KCNJ2: variants seen among roughly 807,000 people sequenced by gnomAD.
KCNJ2 encodes the protein potassium inwardly rectifying channel subfamily J member 2, also known as inward rectifier potassium channel 2.
KCNJ2 carries 12 observed loss-of-function variants against 28.4 expected under a neutral mutation model. That is an observed-to-expected ratio of 0.42 (90% CI 0.27 to 0.68). KCNJ2 has a LOEUF of 0.68. KCNJ2 is among the 30% of genes least tolerant of loss of function. The pLI, the probability that KCNJ2 is intolerant of heterozygous loss-of-function variation, is 0.23. For missense variants in KCNJ2, 320 were observed against 551.3 expected, an observed-to-expected ratio of 0.58 and a Z score of 4.20; for synonymous variants, 200 against 203.2, an observed-to-expected ratio of 0.98 and a Z score of 0.13.
Position 70,175,014 on chromosome 17 carries a change from A to G in KCNJ2, c.-26A>G, listed in dbSNP as rs1336086708. ...AAACTCAGACTGTTTTCCAAAGCAG[A>G]AGCACTGGAGTCCCCAGCAGAAGCG... On this transcript the variant is annotated 5_prime_UTR_variant, in exon 2 of 2. Coordinates refer to ENST00000243457, the MANE Select transcript of KCNJ2 (RefSeq NM_000891.3). This position sits in a 1 kb window ranked among gnomAD's most constrained non-coding sequence, Gnocchi z 8.3. The G allele has an allele frequency of 6.2e-7, 1 of 1,612,522 alleles. No individual in the cohort carries two copies. The highest frequency in any genetic ancestry group is 8.5e-7 in the Non-Finnish European group (1 of 1,178,830).
chr17:70,174,266 C>T (rs2074379568), intron 1 of KCNJ2, among the ~76,000 whole-genome samples: 1 of 152,176 alleles, frequency 6.6e-6, no homozygotes, highest in African/African-American at 2.4e-5. Flanking sequence ...GTCAGCCTAT[C>T]CGGTCTGCTC....
rs2074394262 is a variant in KCNJ2, at chr17:70,176,487, G to A, written c.*164G>A. On this transcript the variant is annotated 3_prime_UTR_variant, in exon 2 of 2. Transcript: ENST00000243457. ...TTCAAAGAAAGACTGTAAGCTCCAT[G>A]ATTAGCATAAAGCACTAACCATGTC... The A allele has an allele frequency of 9.9e-6, 7 of 708,972 alleles. No homozygotes were observed. The East Asian group carries it at 1.9e-4, about 19-fold the overall frequency. 43.9% of individuals were successfully genotyped at this position (708,972 alleles called of 1,614,324 possible).
rs1227230044 is a variant in KCNJ2 at position 70,177,029 on chromosome 17, A to G, written c.*706A>G. The G allele has an allele frequency of 2.4e-5, 4 of 167,420 alleles. No individual in the cohort carries two copies. Among genetic ancestry groups the G allele is most frequent in the Admixed American group, 6.5e-5 (1 of 15,318 alleles). 10.4% of individuals were successfully genotyped at this position (167,420 alleles called of 1,614,324 possible). A position where few individuals can be genotyped will look rare whatever the true frequency, so the allele number is the denominator to read the frequency against. ...TCTCAAATTTTAAGTTAAACTACCT[A>G]AAATAAATACCAAAGATAATGCATA... is the stretch of plus-strand genomic sequence containing the variant. On this transcript the variant is annotated 3_prime_UTR_variant, in exon 2 of 2. Coordinates refer to ENST00000243457, the MANE Select transcript of KCNJ2 (RefSeq NM_000891.3).
In KCNJ2 at chr17:70,169,631, C is replaced by G. The variant is rs1270466717; in HGVS notation, c.-287C>G. ...CTTTGGCTCACTCGCTTTTTACAAA[C>G]CACTGGATCTTACATGCCTCTGTAC... is the stretch of plus-strand genomic sequence containing the variant. On this transcript the variant is annotated 5_prime_UTR_variant, in exon 1 of 2. Transcript: ENST00000243457. 2 of 152,518 alleles carry G rather than the reference C, an allele frequency of 1.3e-5. No homozygotes were observed. Among genetic ancestry groups the G allele is most frequent in the Non-Finnish European group, 2.9e-5 (2 of 68,300 alleles). 9.4% of individuals were successfully genotyped at this position (152,518 alleles called of 1,614,324 possible). A position where few individuals can be genotyped will look rare whatever the true frequency, so the allele number is the denominator to read the frequency against.
chr17:70,176,627 T>C lies in KCNJ2; in HGVS notation c.*304T>C. 2.3e-6 allele frequency: 1 copy of C among 439,166 alleles called. No homozygotes were observed. Among genetic ancestry groups the C allele is most frequent in the Non-Finnish European group, 4.4e-6 (1 of 229,850 alleles). 27.2% of individuals were successfully genotyped at this position (439,166 alleles called of 1,614,324 possible). A position where few individuals can be genotyped will look rare whatever the true frequency, so the allele number is the denominator to read the frequency against. ...GGCAAGCCTTGGTTGGGTATTTGAT[T>C]TATCCAGAATGCTTCTCTTTAGGGA... On this transcript the variant is annotated 3_prime_UTR_variant, in exon 2 of 2. Transcript: ENST00000243457.
intron 1 of KCNJ2, among the ~76,000 whole-genome samples, chr17:70,173,715 G>T (rs1434170603): frequency 6.6e-6 from 1 of 152,168 alleles, no homozygotes; most frequent in Non-Finnish European, 1.5e-5. Flanking sequence ...AACAGCGCTG[G>T]AAGTGAAAGT....
At position 70,169,707 on chromosome 17, in the gene KCNJ2, G is replaced by A. The variant is rs1197862391; in HGVS notation, c.-217+6G>A. 1 of 153,864 alleles carries A rather than the reference G, an allele frequency of 6.5e-6. No individual in the cohort carries two copies. 9.5% of individuals were successfully genotyped at this position (153,864 alleles called of 1,614,324 possible). A position where few individuals can be genotyped will look rare whatever the true frequency, so the allele number is the denominator to read the frequency against. ...TGCTCCTGCGCCAGCAACAGGTAAG[G>A]GCTGCTGTGTTTTCTTCCTTTTCGC... On this transcript the variant is annotated splice_donor_region_variant and intron_variant, in intron 1 of 1. Transcript: ENST00000243457.
In KCNJ2 at chr17:70,178,806, G is replaced by A. The variant is rs559751598; in HGVS notation, c.*2483G>A. On this transcript the variant is annotated 3_prime_UTR_variant, in exon 2 of 2. Transcript: ENST00000243457. ...AGTGTACATTTTATAAAGTTTATCA[G>A]ATATTTTCATATTTAAAGCCAAATG... The A allele has an allele frequency of 1.4e-3, 237 of 167,010 alleles. 3 individuals carry two copies. Among genetic ancestry groups the A allele is most frequent in the Non-Finnish European group, 1.7e-3 (119 of 68,092 alleles). 10.3% of individuals were successfully genotyped at this position (167,010 alleles called of 1,614,324 possible). A position where few individuals can be genotyped will look rare whatever the true frequency, so the allele number is the denominator to read the frequency against.
rs1479700371 is a variant in KCNJ2, at chr17:70,179,129, CATTG to C, written c.*2811_*2814del. 1 of 122,352 alleles carries C rather than the reference CATTG, an allele frequency of 8.2e-6. No homozygotes were observed. The highest frequency in any genetic ancestry group is 1.7e-5 in the Non-Finnish European group (1 of 59,918). 7.6% of individuals were successfully genotyped at this position (122,352 alleles called of 1,614,324 possible). On this transcript the variant is annotated 3_prime_UTR_variant, in exon 2 of 2. Transcript: ENST00000243457. ...GAGCCAAGACACAGGTAATGCACGA[CATTG>C]ATTGCTGCATTTTACCTTCAAAATA...
intron 1 of KCNJ2, among the ~76,000 whole-genome samples, chr17:70,172,351 C>G (rs898729804): frequency 1.4e-5 from 2 of 139,060 alleles, no homozygotes; most frequent in Non-Finnish European, 3.1e-5. Context: ...CAAAACTCCT[C>G]TTTTTCTCTT....
In KCNJ2 at chr17:70,175,279, C is replaced by A; in HGVS notation, c.240C>A (p.Arg80=). The change falls in exon 2 of 2, where the codon CGC becomes CGA. Residue 80 remains arginine (R), a synonymous_variant. Coordinates refer to ENST00000243457, the MANE Select transcript of KCNJ2 (RefSeq NM_000891.3). This position sits in a 1 kb window ranked among gnomAD's most constrained non-coding sequence, Gnocchi z 8.3. ...TCTTCACCACGTGTGTGGACATTCG[C>A]TGGCGGTGGATGCTGGTTATCTTCT... ...ADIFTTCVDI[R]WRWMLVIFCL... 1 of 1,614,232 alleles carries A rather than the reference C, an allele frequency of 6.2e-7. No individual in the cohort carries two copies. The highest frequency in any genetic ancestry group is 8.5e-7 in the Non-Finnish European group (1 of 1,180,042).
At position 70,177,334 on chromosome 17, in the gene KCNJ2, C is replaced by A. The variant is rs532611055; in HGVS notation, c.*1011C>A. ...TCCTTTCCTGCTAGGCAGTGCTGGCCAGGCTCATGTGTAGTGTGCGAGATG... is the reference window on the plus strand; with the variant it reads ...TCCTTTCCTGCTAGGCAGTGCTGGCAAGGCTCATGTGTAGTGTGCGAGATG... On this transcript the variant is annotated 3_prime_UTR_variant, in exon 2 of 2. Coordinates refer to ENST00000243457, the MANE Select transcript of KCNJ2 (RefSeq NM_000891.3). 1 of 167,198 alleles carries A rather than the reference C, an allele frequency of 6.0e-6. No individual in the cohort carries two copies. Among genetic ancestry groups the A allele is most frequent in the South Asian group, 2.1e-4 (1 of 4,826 alleles). The allele number at this position is 167,198 out of a possible 1,614,324, so 10.4% of individuals were successfully genotyped here.
At chr17:70,171,817 A>G (rs2074366604) in intron 1 of KCNJ2, among the ~76,000 whole-genome samples, 1 of 152,312 alleles carries the variant, frequency 6.6e-6, no homozygotes, top group East Asian at 1.9e-4. Context: ...GATAAAAATG[A>G]TTATTTGTGT....
Position 70,175,662 on chromosome 17 carries a change from T to C in KCNJ2, c.623T>C (p.Leu208Pro). Reference sequence around the variant, plus strand: ...GTGATTGCCATGAGAGACGGCAAGCTGTGTTTGATGTGGCGAGTGGGCAAT... The same window carrying C: ...GTGATTGCCATGAGAGACGGCAAGCCGTGTTTGATGTGGCGAGTGGGCAAT... ...NAVIAMRDGK[L>P]CLMWRVGNLR... is the part of the protein sequence containing the mutation. Residue 208 changes from leucine (L) to proline (P), a missense_variant, in exon 2 of 2, where the codon CTG (leucine) becomes CCG (proline). Physicochemically the swap from Leu to Pro is moderately conservative, Grantham distance 98. This residue lies in a region of KCNJ2 where 111 missense variants were observed against 256.7 expected (regional missense o/e 0.43). Transcript: ENST00000243457. This position sits in a 1 kb window ranked among gnomAD's most constrained non-coding sequence, Gnocchi z 8.3. The C allele has an allele frequency of 6.2e-7, 1 of 1,614,218 alleles. No homozygotes were observed. The highest frequency in any genetic ancestry group is 8.5e-7 in the Non-Finnish European group (1 of 1,180,032).
In KCNJ2 at chr17:70,174,723, C is replaced by T. The variant is rs538755638; in HGVS notation, c.-216-101C>T. 15 of 395,154 alleles carry T rather than the reference C, an allele frequency of 3.8e-5. 1 individual carries two copies. In the South Asian group the frequency reaches 3.8e-4, roughly 10 times the overall value. 24.5% of individuals were successfully genotyped at this position (395,154 alleles called of 1,614,324 possible). ...ATAATTTAATGTAAATTATACTTAT[C>T]TTTACCTGATTATGTGTTTTTGTTA... is the stretch of plus-strand genomic sequence containing the variant. On this transcript the variant is annotated intron_variant, in intron 1 of 1. Transcript: ENST00000243457.
rs770336614 is a variant in KCNJ2, at chr17:70,176,218, A to G, written c.1179A>G (p.Gly393=). The G allele has an allele frequency of 1.2e-6, 2 of 1,614,112 alleles. No homozygotes were observed. Among genetic ancestry groups the G allele is most frequent in the Non-Finnish European group, 1.7e-6 (2 of 1,180,010 alleles). ...AAGAGGAAGACGACAGTGAAAATGG[A>G]GTTCCAGAAAGCACTAGTACGGACA... ...TSKEEDDSEN[G]VPESTSTDTP... is the part of the protein sequence containing the mutation. The change falls in exon 2 of 2, where the codon GGA becomes GGG. Residue 393 remains glycine, a synonymous_variant. Transcript: ENST00000243457.
rs2074407358 is a variant in KCNJ2, at chr17:70,178,262, T to A, written c.*1939T>A. ...CCTGCAAAACTATGACAATTTTTGC[T>A]GTTTTCAGCCTTCAGATTTGATGGC... On this transcript the variant is annotated 3_prime_UTR_variant, in exon 2 of 2. Transcript: ENST00000243457. 6.0e-6 allele frequency: 1 copy of A among 167,098 alleles called. No individual in the cohort carries two copies. Among genetic ancestry groups the A allele is most frequent in the African/African-American group, 2.4e-5 (1 of 41,464 alleles). 10.4% of individuals were successfully genotyped at this position (167,098 alleles called of 1,614,324 possible).
chr17:70,176,393 T>C lies in KCNJ2; in HGVS notation c.*70T>C, dbSNP rs894850986. On this transcript the variant is annotated 3_prime_UTR_variant, in exon 2 of 2. Coordinates refer to ENST00000243457, the MANE Select transcript of KCNJ2 (RefSeq NM_000891.3). ...GTTGGTCAGAGGCCCAAAACAGTTATACAGATGACGGTACTGGTCAAGATG... is the reference window on the plus strand; with the variant it reads ...GTTGGTCAGAGGCCCAAAACAGTTACACAGATGACGGTACTGGTCAAGATG... The C allele has an allele frequency of 2.1e-6, 3 of 1,410,498 alleles. No individual in the cohort carries two copies. The highest frequency in any genetic ancestry group is 3.0e-6 in the Non-Finnish European group (3 of 995,172). The allele number at this position is 1,410,498 out of a possible 1,614,324, so 87.4% of individuals were successfully genotyped here. A position where few individuals can be genotyped will look rare whatever the true frequency, so the allele number is the denominator to read the frequency against.
intron 1 of KCNJ2, among the ~76,000 whole-genome samples, chr17:70,169,904 A>G (rs1477277819): frequency 6.6e-6 from 1 of 152,158 alleles, no homozygotes. Context: ...CCCAGAGCTA[A>G]AAATACTGAG....
Sources: gnomAD v4.1 joint callset for allele counts (sites outside exome capture counted in the v4.1 genomes callset) on GRCh38, gnomAD v4.1.1 for gene constraint, gnomAD v4.1.1 regional missense constraint, Gnocchi (gnomAD v3.1) non-coding constraint, MANE v1.5 for transcripts, NCBI Gene and HGNC (gene_info 2026-07-23, HGNC 2026-07-21) for gene names.